Variants in NAV2 observed in about 807,000 individuals in gnomAD.
NAV2 encodes neuron navigator 2, also known as helicase, APC down-regulated 1.
Under a neutral mutation model 223.2 loss-of-function variants are expected in NAV2, and 54 were observed. The ratio of observed to expected loss-of-function variants is 0.24; its 90% CI spans 0.19 to 0.30. The LOEUF (loss-of-function observed/expected upper bound fraction) is 0.30, where lower values mean the gene tolerates loss of function less well. Among genes scored for constraint, NAV2 ranks in the 10% least tolerant of loss-of-function variants. NAV2 has a pLI of 1.00. For missense variants in NAV2, 2,806 were observed against 3,147.5 expected, an observed-to-expected ratio of 0.89 and a Z score of 2.60; for synonymous variants, 1,279 against 1,239.3, an observed-to-expected ratio of 1.03 and a Z score of -0.67.
At chr11:19,918,088 A>G (rs930599957) in intron 6 of NAV2, among the ~76,000 whole-genome samples, 3 of 152,236 alleles carry the variant, frequency 2.0e-5, no homozygotes, top group Admixed American at 6.5e-5. Context: ...TAGGCTTGAT[A>G]ATCCCCTCTT....
intron 1 of NAV2, among the ~76,000 whole-genome samples, chr11:19,654,833 A>C (rs2048073494): frequency 6.6e-6 from 1 of 152,254 alleles, no homozygotes; most frequent in African/African-American, 2.4e-5. Context: ...AGGCATGGGC[A>C]AGGACTTCAT....
At chr11:19,913,753 G>GCTGACCT (rs2043520949) in intron 6 of NAV2, among the ~76,000 whole-genome samples, 1 of 151,924 alleles carries the variant, frequency 6.6e-6, no homozygotes, top group African/African-American at 2.4e-5. Flanking sequence ...TTCCTCCATC[G>GCTGACCT]CAGTGCTTCC....
intron 1 of NAV2, among the ~76,000 whole-genome samples, chr11:19,519,143 C>CAAT (rs1210100498): frequency 1.3e-5 from 2 of 151,404 alleles, no homozygotes; most frequent in South Asian, 2.1e-4. Context: ...ATATTAACAA[C>CAAT]AATAATAATA....
chr11:19,354,933 G>A (rs527338894), intron 1 of NAV2, among the ~76,000 whole-genome samples: 1 of 152,260 alleles, frequency 6.6e-6, no homozygotes, highest in South Asian at 2.1e-4. Flanking sequence ...ACTTACCTGG[G>A]TGCCACATAT....
intron 5 of NAV2, among the ~76,000 whole-genome samples, chr11:19,881,067 T>TCACA (rs775314362): frequency 2.7e-4 from 41 of 152,330 alleles, no homozygotes; most frequent in Non-Finnish European, 4.7e-4. Context: ...ATAAGGCTTC[T>TCACA]CACACACCTT....
chr11:19,722,249 A>C (rs1216306607), intron 1 of NAV2, among the ~76,000 whole-genome samples: 1 of 152,232 alleles, frequency 6.6e-6, no homozygotes, highest in East Asian at 1.9e-4. Flanking sequence ...TTCATTTGGT[A>C]ATCTTTTATA....
At chr11:19,891,488 C>A (rs1469334995) in intron 5 of NAV2, among the ~76,000 whole-genome samples, 1 of 152,114 alleles carries the variant, frequency 6.6e-6, no homozygotes, top group Non-Finnish European at 1.5e-5. Context: ...CCAAGCCACC[C>A]AAAATGAGGT....
At chr11:19,931,587 T>C (rs1463107040) in intron 6 of NAV2, among the ~76,000 whole-genome samples, 6 of 46,056 alleles carry the variant, frequency 1.3e-4, no homozygotes, top group Non-Finnish European at 3.4e-4. Flanking sequence ...CAGTGGAACA[T>C]AGGTATTTAA....
Position 19,425,015 on chromosome 11 carries a change from G to A in NAV2, c.75+73988G>A, listed in dbSNP as rs78359735. The stretch of plus-strand genomic sequence containing the variant: ...AGTCAGTCATTCTATGGTAACCTGG[G>A]CATATACTATGCTTGAGGCATTTTA... On this transcript the variant is annotated intron_variant, in intron 1 of 37. Coordinates refer to the NAV2 transcript ENST00000360655. Among the ~76,000 whole-genome samples the A allele has an allele frequency of 7.6e-3, 1,159 of 152,174 alleles. 6 individuals are homozygous for A. Among genetic ancestry groups the A allele is most frequent in the Non-Finnish European group, 0.012 (838 of 67,986 alleles).
chr11:19,773,970 T>G (rs2055922998), intron 1 of NAV2, among the ~76,000 whole-genome samples: 1 of 152,226 alleles, frequency 6.6e-6, no homozygotes, highest in African/African-American at 2.4e-5. Context: ...AGAGTGTCCT[T>G]TACAGCAATC....
rs372635026 is a variant in NAV2, at chr11:20,074,678, C to T, written c.4984-2874C>T. Among the ~76,000 whole-genome samples the T allele has an allele frequency of 2.5e-3, 381 of 151,374 alleles. 1 individual carries two copies. The highest frequency in any genetic ancestry group is 8.3e-3 in the African/African-American group (343 of 41,180). On this transcript the variant is annotated intron_variant, in intron 22 of 37. Transcript: ENST00000349880. ...CTTCTTGTTGCATTGATCTCTTTAC[C>T]GTCATGTAATGGCCTTCTTTGTATC...
chr11:19,617,590 G>A (rs1214854369), intron 1 of NAV2, among the ~76,000 whole-genome samples: 2 of 152,230 alleles, frequency 1.3e-5, no homozygotes, highest in African/African-American at 2.4e-5. Context: ...TAAGTGCTAT[G>A]AAGAAGATTA....
chr11:19,378,148 C>T (rs867534168), intron 1 of NAV2, among the ~76,000 whole-genome samples: 4 of 152,130 alleles, frequency 2.6e-5, no homozygotes, highest in Admixed American at 2.0e-4. Context: ...TGATGCGTAC[C>T]GCAAACACAT....
intron 1 of NAV2, among the ~76,000 whole-genome samples, chr11:19,354,312 A>G (rs1853491119): frequency 6.6e-6 from 1 of 152,270 alleles, no homozygotes; most frequent in Non-Finnish European, 1.5e-5. Context: ...ACAAATCAGT[A>G]GCCACTAGCC....
At chr11:19,880,826 G>A (rs1221035625) in intron 5 of NAV2, among the ~76,000 whole-genome samples, 2 of 152,246 alleles carry the variant, frequency 1.3e-5, no homozygotes, top group Non-Finnish European at 2.9e-5. Context: ...ACATCACCCT[G>A]TAAAACTTTT....
intron 1 of NAV2, among the ~76,000 whole-genome samples, chr11:19,470,379 G>C (rs1030397613): frequency 6.0e-4 from 91 of 152,286 alleles, no homozygotes; most frequent in African/African-American, 2.1e-3. Flanking sequence ...TGCTGTAAAA[G>C]AATACCTGAG....
chr11:19,820,978 G>A (rs914673339), intron 1 of NAV2, among the ~76,000 whole-genome samples: 6 of 152,118 alleles, frequency 3.9e-5, no homozygotes, highest in African/African-American at 1.2e-4. Context: ...GAGGAAGATC[G>A]AGGGCCGGGC....
chr11:19,813,824 A>G (rs780755091), intron 1 of NAV2, among the ~76,000 whole-genome samples: 5 of 152,174 alleles, frequency 3.3e-5, no homozygotes, highest in African/African-American at 1.2e-4. Context: ...GCTCGGGGTC[A>G]AAGTCGGGAT....
At chr11:19,493,824 G>T (rs1447078971) in intron 1 of NAV2, among the ~76,000 whole-genome samples, 3 of 152,238 alleles carry the variant, frequency 2.0e-5, no homozygotes, top group South Asian at 2.1e-4. Context: ...GCCACCCAGA[G>T]AGTGGAGTTC....
Sources: gnomAD v4.1 joint callset for allele counts (sites outside exome capture counted in the v4.1 genomes callset) on GRCh38, gnomAD v4.1.1 for gene constraint, MANE v1.5 for transcripts, NCBI Gene and HGNC (gene_info 2026-07-23, HGNC 2026-07-21) for gene names.